The following LOC400499 variants were observed in gnomAD, a reference collection of about 807,000 sequenced individuals.
the LOC400499 span, among the ~76,000 whole-genome samples, chr16:11,454,383 T>C: frequency 2.8e-4 from 43 of 152,334 alleles, no homozygotes; most frequent in Admixed American, 4.6e-4. Context: ...AATGGGGTCA[T>C]TGCAGATATC....
the LOC400499 span, among the ~76,000 whole-genome samples, chr16:11,439,906 G>A: frequency 3.3e-5 from 5 of 152,078 alleles, no homozygotes; most frequent in South Asian, 1.0e-3. Flanking sequence ...GTGCTACCAG[G>A]TTCACAATGA....
the LOC400499 span, chr16:11,399,249 C>T: frequency 8.3e-4 from 818 of 985,352 alleles, 3 homozygotes; most frequent in African/African-American, 0.013. Context: ...CATCTCGGGC[C>T]GTTCCCCTTG....
the LOC400499 span, among the ~76,000 whole-genome samples, chr16:11,388,378 T>C: frequency 6.6e-6 from 1 of 152,142 alleles, no homozygotes; most frequent in African/African-American, 2.4e-5. Flanking sequence ...TTCCCCATGA[T>C]GTGGGTTTAG....
At chr16:11,498,266 A>C in the LOC400499 span, among the ~76,000 whole-genome samples, 3 of 152,182 alleles carry the variant, frequency 2.0e-5, no homozygotes, top group Admixed American at 2.0e-4. Context: ...AAATCACATG[A>C]GCTCAGGAGT....
At chr16:11,374,544 T>C in the LOC400499 span, among the ~76,000 whole-genome samples, 3 of 152,198 alleles carry the variant, frequency 2.0e-5, no homozygotes, top group South Asian at 4.1e-4. Flanking sequence ...ATGAAACTTA[T>C]TACTCGAGGT....
At chr16:11,497,231 G>C in the LOC400499 span, among the ~76,000 whole-genome samples, 211 of 152,152 alleles carry the variant, frequency 1.4e-3, no homozygotes, top group African/African-American at 5.0e-3. Context: ...GTACACGTGC[G>C]CTCAGGATGC....
the LOC400499 span, among the ~76,000 whole-genome samples, chr16:11,515,081 G>A: frequency 4.6e-5 from 7 of 152,238 alleles, no homozygotes; most frequent in African/African-American, 1.2e-4. Context: ...CAAGGTGGCC[G>A]GAACGCTTGA....
chr16:11,438,500 T>C, the LOC400499 span, among the ~76,000 whole-genome samples: 1 of 151,170 alleles, frequency 6.6e-6, no homozygotes. Context: ...GCTGGGCGCA[T>C]TGGCTCATGC....
chr16:11,407,907 C>T, the LOC400499 span, among the ~76,000 whole-genome samples: 1 of 149,792 alleles, frequency 6.7e-6, no homozygotes, highest in Non-Finnish European at 1.5e-5. Context: ...ATTAAAAATA[C>T]AGATTCTGGG....
At chr16:11,520,036 C>T in the LOC400499 span, among the ~76,000 whole-genome samples, 1 of 152,072 alleles carries the variant, frequency 6.6e-6, no homozygotes, top group Non-Finnish European at 1.5e-5. Context: ...TACCTAAAAA[C>T]AGGCAAGTTC....
chr16:11,422,530 C>T, the LOC400499 span, among the ~76,000 whole-genome samples: 17 of 150,678 alleles, frequency 1.1e-4, no homozygotes, highest in East Asian at 3.2e-3. Context: ...CGATCACTGC[C>T]TGAGCATGCA....
the LOC400499 span, among the ~76,000 whole-genome samples, chr16:11,427,916 G>A: frequency 2.2e-4 from 34 of 152,242 alleles, no homozygotes; most frequent in Non-Finnish European, 2.9e-4. Context: ...TCTGAAAAGC[G>A]TCAAAAACAG....
At chr16:11,462,371 C>A in the LOC400499 span, 2 of 1,404,468 alleles carry the variant, frequency 1.4e-6, no homozygotes, top group Non-Finnish European at 1.8e-6. Context: ...ACCACACGAA[C>A]TGGGACCAGA....
the LOC400499 span, among the ~76,000 whole-genome samples, chr16:11,409,572 A>G: frequency 5.3e-5 from 8 of 152,360 alleles, no homozygotes; most frequent in African/African-American, 1.7e-4. Context: ...TTAAAAAGAC[A>G]TGGCAACTAC....
chr16:11,396,648 G>A, the LOC400499 span: 505 of 1,231,672 alleles, frequency 4.1e-4, 1 homozygote, highest in Non-Finnish European at 4.9e-4. Context: ...CCCTGGCCCA[G>A]GGTGTGCTCC....
chr16:11,482,373 C>T, the LOC400499 span, among the ~76,000 whole-genome samples: 2 of 152,194 alleles, frequency 1.3e-5, no homozygotes, highest in African/African-American at 4.8e-5. Context: ...GAACAGAGAG[C>T]ATGCTCGCAG....
At chr16:11,456,801 G>C in the LOC400499 span, 85 of 1,518,812 alleles carry the variant, frequency 5.6e-5, no homozygotes, top group Non-Finnish European at 7.4e-5. Context: ...CTTGAGCAAA[G>C]GCCTGGAGAT....
chr16:11,406,982 G>A, the LOC400499 span, among the ~76,000 whole-genome samples: 20 of 152,336 alleles, frequency 1.3e-4, no homozygotes, highest in South Asian at 2.1e-4. Context: ...TTTAGGTCAC[G>A]CCCCAGCTTC....
the LOC400499 span, among the ~76,000 whole-genome samples, chr16:11,473,442 C>T: frequency 6.6e-6 from 1 of 152,036 alleles, no homozygotes; most frequent in Admixed American, 6.6e-5. Flanking sequence ...GTGTTGCTGG[C>T]TTACACTTGG....
Sources: allele counts gnomAD v4.1 joint callset (sites outside exome capture counted in the v4.1 genomes callset), GRCh38; gene constraint gnomAD v4.1.1; transcripts MANE v1.5.